The following RNF6 variants were observed in gnomAD, a reference collection of about 807,000 sequenced individuals.
The protein encoded by RNF6 is E3 ubiquitin-protein ligase RNF6.
A neutral mutation model predicts 50.1 loss-of-function variants in RNF6; 21 were observed. That is an observed-to-expected ratio of 0.42 (90% CI 0.30 to 0.60). The LOEUF is 0.60. RNF6 is among the 20% of genes least tolerant of loss of function. The pLI is 0.20. For missense variants in RNF6, 698 were observed against 838.2 expected (o/e 0.83, Z 2.07); for synonymous variants, 255 against 291.8 (o/e 0.87, Z 1.29).
chr13:26,180,147 C>T (rs184044947), intron 5 of RNF6, among the ~76,000 whole-genome samples: 14 of 152,272 alleles, frequency 9.2e-5, no homozygotes, highest in African/African-American at 3.1e-4. Flanking sequence ...GGCTAGTGAG[C>T]CCAGTGACCC....
intron 5 of RNF6, among the ~76,000 whole-genome samples, chr13:26,163,047 A>G (rs192513003): frequency 2.5e-3 from 384 of 151,368 alleles, no homozygotes; most frequent in African/African-American, 8.8e-3. Flanking sequence ...GCGGTGGCTC[A>G]TGCCTGTAAT....
At chr13:26,186,277 T>C (rs1161145563) in intron 5 of RNF6, among the ~76,000 whole-genome samples, 3 of 152,244 alleles carry the variant, frequency 2.0e-5, no homozygotes, top group African/African-American at 7.2e-5. Flanking sequence ...CTGACACATC[T>C]GGAGTGCCGT....
chr13:26,210,118 C>T (rs1869264193), downstream of RNF6, among the ~76,000 whole-genome samples: 3 of 152,158 alleles, frequency 2.0e-5, no homozygotes, highest in South Asian at 2.1e-4. Flanking sequence ...TCTTTTGAAA[C>T]GTGGGATGAT....
intron 5 of RNF6, among the ~76,000 whole-genome samples, chr13:26,192,335 A>C (rs1163254755): frequency 6.6e-6 from 1 of 152,208 alleles, no homozygotes; most frequent in Non-Finnish European, 1.5e-5. Context: ...GTTTCTGAAT[A>C]TATTGAAGGC....
At chr13:26,134,135 C>T (rs1870529012) in intron 5 of RNF6, among the ~76,000 whole-genome samples, 1 of 152,206 alleles carries the variant, frequency 6.6e-6, no homozygotes, top group African/African-American at 2.4e-5. Context: ...TTCTGACCCT[C>T]CCGTAGACCT....
intron 5 of RNF6, among the ~76,000 whole-genome samples, chr13:26,190,383 T>C (rs899875286): frequency 3.9e-5 from 6 of 152,158 alleles, no homozygotes; most frequent in African/African-American, 1.4e-4. Context: ...CTTCAGAGGG[T>C]GAGGTGGGGG....
chr13:26,206,927 A>T (rs1224000951), intron 5 of RNF6, among the ~76,000 whole-genome samples: 2 of 152,044 alleles, frequency 1.3e-5, no homozygotes, highest in Non-Finnish European at 2.9e-5. Context: ...AAAAAAAAAA[A>T]ATTAAAAATT....
intron 5 of RNF6, among the ~76,000 whole-genome samples, chr13:26,149,474 C>G (rs1166127646): frequency 1.3e-5 from 2 of 151,920 alleles, no homozygotes; most frequent in African/African-American, 2.4e-5. Context: ...GTAGTCCCAG[C>G]TACTTGGGAG....
rs1270114084 is a variant in RNF6, at chr13:26,219,628, A to G, written c.22T>C (p.Ser8Pro). 1 of 1,613,342 alleles carries G rather than the reference A, an allele frequency of 6.2e-7. No homozygotes were observed. The highest frequency in any genetic ancestry group is 8.5e-7 in the Non-Finnish European group (1 of 1,179,882). ...AAGGTTTCTTCACTGCCACCATCTG[A>G]TCTCGATCTAGACTGATTCATCCTG... is the stretch of plus-strand genomic sequence containing the variant. MNQSRSR[S>P]DGGSEETLPQ... Residue 8 changes from serine (S) to proline (P), a missense_variant, in exon 3 of 5, where the codon TCA becomes CCA. Ser to Pro is a moderately conservative substitution (Grantham distance 74). Transcript: ENST00000381588.
chr13:26,149,887 TATATATACAC>T lies in RNF6; in HGVS notation n.769-17446_769-17437del, dbSNP rs1566408995. On this transcript the variant is annotated intron_variant and non_coding_transcript_variant, in intron 5 of 5. Transcript: ENST00000468480. ...GTGTGTGTGTATATATATATATATATATATATACACACACACAGTGTATATATAATGTGTA... is the reference window on the plus strand; with the variant it reads ...GTGTGTGTGTATATATATATATATATACACACAGTGTATATATAATGTGTA... Among the ~76,000 whole-genome samples the T allele has an allele frequency of 6.1e-4, 65 of 106,812 alleles. 6 individuals carry two copies. The South Asian group carries it at 0.017, about 29-fold the overall frequency. The allele number at this position is 106,812 out of a possible 152,430, so 70.1% of individuals were successfully genotyped here.
chr13:26,171,857 C>T, intron 5 of RNF6, among the ~76,000 whole-genome samples: 1 of 151,876 alleles, frequency 6.6e-6, no homozygotes, highest in East Asian at 1.9e-4. Context: ...TAGTCAAATT[C>T]ATAGAGACAG....
chr13:26,185,587 A>G (rs1873479024), intron 5 of RNF6, among the ~76,000 whole-genome samples: 1 of 152,152 alleles, frequency 6.6e-6, no homozygotes, highest in Non-Finnish European at 1.5e-5. Flanking sequence ...TCTACTAAAA[A>G]TACAAAAAAT....
rs1157199567 is a variant in RNF6 at position 26,213,935 on chromosome 13, A to C, written c.1947T>G (p.Pro649=). ...AATGAATGTGAAATTCATGCATGCA[A>C]GGTAATTGCCTGAGCTTGTTTCCAG... is the stretch of plus-strand genomic sequence containing the variant. The part of the protein sequence containing the change: ...YVTGNKLRQL[P]CMHEFHIHCI... The change falls in exon 5 of 5, where the codon CCT becomes CCG. Residue 649 remains proline (P), a synonymous_variant. Coordinates refer to ENST00000381588, the MANE Select transcript of RNF6 (RefSeq NM_005977.4). The C allele has an allele frequency of 6.2e-7, 1 of 1,614,064 alleles. No individual in the cohort carries two copies. Among genetic ancestry groups the C allele is most frequent in the Non-Finnish European group, 8.5e-7 (1 of 1,180,028 alleles).
intron 5 of RNF6, among the ~76,000 whole-genome samples, chr13:26,164,347 A>G (rs975760773): frequency 6.6e-6 from 1 of 152,156 alleles, no homozygotes; most frequent in Non-Finnish European, 1.5e-5. Context: ...GCACTTCTTC[A>G]TATTTTCCAA....
At chr13:26,144,199 C>A (rs1475727093) in intron 5 of RNF6, among the ~76,000 whole-genome samples, 1 of 152,094 alleles carries the variant, frequency 6.6e-6, no homozygotes, top group African/African-American at 2.4e-5. Flanking sequence ...TGAACCCATG[C>A]ATAACCTCCA....
chr13:26,169,857 TA>T (rs1224974256), intron 5 of RNF6, among the ~76,000 whole-genome samples: 3 of 152,184 alleles, frequency 2.0e-5, no homozygotes, highest in Non-Finnish European at 2.9e-5. Context: ...ACCTGACTCT[TA>T]AAAACTCTTC....
chr13:26,187,862 T>A (rs1218309559), intron 5 of RNF6, among the ~76,000 whole-genome samples: 1 of 152,232 alleles, frequency 6.6e-6, no homozygotes, highest in Non-Finnish European at 1.5e-5. Flanking sequence ...TAGCTGGGAC[T>A]ACAGGCGTGT....
chr13:26,222,135 C>T lies in RNF6; in HGVS notation c.-234G>A, dbSNP rs1169360742. The stretch of plus-strand genomic sequence containing the variant: ...CCGCGCCTCCGGAGCCCGCTGTGCC[C>T]TCGAATTGGCCACTGAGGAGAGAAG... On this transcript the variant is annotated 5_prime_UTR_variant, in exon 1 of 5. Coordinates refer to ENST00000381588, the MANE Select transcript of RNF6 (RefSeq NM_005977.4). 2.6e-5 allele frequency: 4 copies of T among 152,550 alleles called. No homozygotes were observed. The highest frequency in any genetic ancestry group is 2.1e-4 in the South Asian group (1 of 4,830). 9.4% of individuals were successfully genotyped at this position (152,550 alleles called of 1,614,324 possible).
chr13:26,149,380 G>A (rs1871432876), intron 5 of RNF6, among the ~76,000 whole-genome samples: 1 of 152,144 alleles, frequency 6.6e-6, no homozygotes, highest in Non-Finnish European at 1.5e-5. Flanking sequence ...GAGGTCAGGA[G>A]ATTGAGACCA....
Sources: gnomAD v4.1 joint callset for allele counts (sites outside exome capture counted in the v4.1 genomes callset) on GRCh38, gnomAD v4.1.1 for gene constraint, MANE v1.5 for transcripts, NCBI Gene and HGNC (gene_info 2026-07-23, HGNC 2026-07-21) for gene names.